PCDHB14: variants seen among roughly 807,000 people sequenced by gnomAD.
The protein encoded by PCDHB14 is protocadherin beta-14.
For synonymous variants in PCDHB14, 511 were observed against 441.5 expected (o/e 1.16, Z -1.97); for missense variants, 1,129 against 1,000.5 (o/e 1.13, Z -1.73).
chr5:141,224,483 TC>T lies in PCDHB14; in HGVS notation c.979del (p.Leu327PhefsTer8). 6.2e-7 allele frequency: 1 copy of T among 1,613,294 alleles called. No individual in the cohort carries two copies. Among genetic ancestry groups the T allele is most frequent in the Non-Finnish European group, 8.5e-7 (1 of 1,179,758 alleles). On this transcript the variant is annotated frameshift_variant, in exon 1 of 1. Coordinates refer to ENST00000239449, the MANE Select transcript of PCDHB14 (RefSeq NM_018934.4). LOFTEE classifies it low-confidence loss of function (END_TRUNC). ...ATATTCAGGCAACAGATGGTGGGGG[TC>T]TTTCAGGAAAATGCACCCTTCTAGT... ...INIQATDGGG[L>X]SGKCTLLVKV...
At position 141,225,513 on chromosome 5, in the gene PCDHB14, T is replaced by C. The variant is rs1554289512; in HGVS notation, c.2008T>C (p.Tyr670His). ...VLLVDGFSQPYLPLPEAAPAQ... is the reference protein window; with the variant it reads ...VLLVDGFSQPHLPLPEAAPAQ... ...CCTGGTGGACGGCTTCTCCCAGCCC[T>C]ACCTGCCGCTCCCTGAGGCGGCCCC... The change falls in exon 1 of 1, where the codon TAC (tyrosine) becomes CAC (histidine). Residue 670 changes from tyrosine to histidine, a missense_variant. By Grantham distance (83) the Tyr-to-His change is moderately conservative. Transcript: ENST00000239449. 1 of 1,608,262 alleles carries C rather than the reference T, an allele frequency of 6.2e-7. No homozygotes were observed. The highest frequency in any genetic ancestry group is 2.2e-5 in the East Asian group (1 of 44,840).
At position 141,225,644 on chromosome 5, in the gene PCDHB14, G is replaced by C; in HGVS notation, c.2139G>C (p.Leu713=). The change falls in exon 1 of 1, where the codon CTG becomes CTC. Residue 713 remains leucine (L), a synonymous_variant. Transcript: ENST00000239449. The part of the protein sequence containing the change: ...FSVLLFVAVR[L]CRRSRAASVG... ...TGCTCCTGTTCGTGGCGGTGCGGCT[G>C]TGCAGGAGGAGCAGGGCGGCCTCGG... is the stretch of plus-strand genomic sequence containing the variant. 1 of 1,613,536 alleles carries C rather than the reference G, an allele frequency of 6.2e-7. No individual in the cohort carries two copies. Among genetic ancestry groups the C allele is most frequent in the South Asian group, 1.1e-5 (1 of 91,074 alleles).
chr5:141,225,389 G>T lies in PCDHB14; in HGVS notation c.1884G>T (p.Arg628Ser). The T allele has an allele frequency of 6.2e-7, 1 of 1,604,234 alleles. No homozygotes were observed. The highest frequency in any genetic ancestry group is 8.5e-7 in the Non-Finnish European group (1 of 1,179,372). Reference sequence around the variant, plus strand: ...ACAATGGCGAGGTGCGCACCGCCAGGCTGCTGAGCGAGCGCGACGCGGCCA... The same window carrying T: ...ACAATGGCGAGGTGCGCACCGCCAGTCTGCTGAGCGAGCGCGACGCGGCCA... ...WAHNGEVRTA[R>S]LLSERDAAKH... Residue 628 changes from arginine to serine, a missense_variant, in exon 1 of 1, where the codon AGG (arginine) becomes AGT (serine). By Grantham distance (110) the Arg-to-Ser change is moderately radical. Transcript: ENST00000239449.
In PCDHB14 at chr5:141,227,193, A is replaced by G. The variant is rs73275711; in HGVS notation, c.*1291A>G. On this transcript the variant is annotated 3_prime_UTR_variant, in exon 1 of 1. Transcript: ENST00000239449. Reference sequence around the variant, plus strand: ...ATTTTGTGTTGTTTATTACTAAAGCAGAAAATAATTTAGGGTCTTATCCTG... The same window carrying G: ...ATTTTGTGTTGTTTATTACTAAAGCGGAAAATAATTTAGGGTCTTATCCTG... 22,799 of 152,296 alleles carry G rather than the reference A, an allele frequency of 0.15. 1,790 individuals are homozygous for G. Among genetic ancestry groups the G allele is most frequent in the Middle Eastern group, 0.27 (78 of 294 alleles). 9.4% of individuals were successfully genotyped at this position (152,296 alleles called of 1,614,324 possible).
chr5:141,224,337 T>C lies in PCDHB14; in HGVS notation c.832T>C (p.Ser278Pro), dbSNP rs1754787131. The change falls in exon 1 of 1, where the codon TCT (serine) becomes CCT (proline). Residue 278 changes from serine to proline, a missense_variant. Transcript: ENST00000239449. The part of the protein sequence containing the change: ...DLDAGNYGKI[S>P]YTFFHASEDI... Reference sequence around the variant, plus strand: ...GGATGCAGGAAACTATGGAAAAATATCTTACACATTTTTCCATGCATCAGA... The same window carrying C: ...GGATGCAGGAAACTATGGAAAAATACCTTACACATTTTTCCATGCATCAGA... 3.7e-6 allele frequency: 6 copies of C among 1,612,620 alleles called. No individual in the cohort carries two copies. The highest frequency in any genetic ancestry group is 5.1e-6 in the Non-Finnish European group (6 of 1,179,654).
Position 141,224,537 on chromosome 5 carries a change from A to G in PCDHB14, c.1032A>G (p.Pro344=), listed in dbSNP as rs1754793760. 1 of 1,612,374 alleles carries G rather than the reference A, an allele frequency of 6.2e-7. No homozygotes were observed. Among genetic ancestry groups the G allele is most frequent in the African/African-American group, 1.3e-5 (1 of 74,742 alleles). The stretch of plus-strand genomic sequence containing the variant: ...AAGTTATGGATATAAACGACAACCC[A>G]CCAGAAGTGACCATATCGTCGATTA... ...LVKVMDINDN[P]PEVTISSITK... Residue 344 remains proline (P), a synonymous_variant, in exon 1 of 1, where the codon CCA becomes CCG. Coordinates refer to ENST00000239449, the MANE Select transcript of PCDHB14 (RefSeq NM_018934.4).
Position 141,224,080 on chromosome 5 carries a change from C to A in PCDHB14, c.575C>A (p.Pro192Gln), listed in dbSNP as rs1280529302. 1 of 1,613,920 alleles carries A rather than the reference C, an allele frequency of 6.2e-7. No homozygotes were observed. The highest frequency in any genetic ancestry group is 1.7e-5 in the Admixed American group (1 of 60,000). The change falls in exon 1 of 1, where the codon CCA (proline) becomes CAA (glutamine). Residue 192 changes from proline (P) to glutamine (Q), a missense_variant. Pro to Gln is a moderately conservative substitution (Grantham distance 76). Coordinates refer to ENST00000239449, the MANE Select transcript of PCDHB14 (RefSeq NM_018934.4). ...GACAGTAGTGACAGAAAGATATACCCAGAGCTGGTCCTAGATAGAGCTTTA... is the reference window on the plus strand; with the variant it reads ...GACAGTAGTGACAGAAAGATATACCAAGAGCTGGTCCTAGATAGAGCTTTA... ...IPDSSDRKIY[P>Q]ELVLDRALDY...
Position 141,225,596 on chromosome 5 carries a change from G to A in PCDHB14, c.2091G>A (p.Val697=). Residue 697 remains valine, a synonymous_variant, in exon 1 of 1, where the codon GTG becomes GTA. Transcript: ENST00000239449. ...TVYLVVALAS[V]SSLFLFSVLL... ...ACCTGGTGGTGGCATTGGCCTCGGT[G>A]TCGTCGCTCTTCCTCTTCTCGGTGC... 6.2e-7 allele frequency: 1 copy of A among 1,611,626 alleles called. No homozygotes were observed. The highest frequency in any genetic ancestry group is 8.5e-7 in the Non-Finnish European group (1 of 1,179,804).
rs1370293567 is a variant in PCDHB14, at chr5:141,225,131, C to T, written c.1626C>T (p.Ser542=). 1 of 1,611,832 alleles carries T rather than the reference C, an allele frequency of 6.2e-7. No individual in the cohort carries two copies. Among genetic ancestry groups the T allele is most frequent in the South Asian group, 1.1e-5 (1 of 90,978 alleles). The part of the protein sequence containing the change: ...GATDRGSPAL[S]SEALVRVLVL... ...CAGACCGCGGGTCCCCGGCGTTGAG[C>T]AGCGAGGCGCTGGTGCGCGTGCTGG... The change falls in exon 1 of 1, where the codon AGC becomes AGT. Residue 542 remains serine (S), a synonymous_variant. Coordinates refer to ENST00000239449, the MANE Select transcript of PCDHB14 (RefSeq NM_018934.4).
At position 141,226,093 on chromosome 5, in the gene PCDHB14, G is replaced by T. The variant is rs1554289633; in HGVS notation, c.*191G>T. ...GTGGAAATGTAATCTGTGTTTTCTG[G>T]TTTTTCATTTATTTGGCCAAAATGT... On this transcript the variant is annotated 3_prime_UTR_variant, in exon 1 of 1. Coordinates refer to ENST00000239449, the MANE Select transcript of PCDHB14 (RefSeq NM_018934.4). 1.1e-5 allele frequency: 7 copies of T among 618,052 alleles called. No individual in the cohort carries two copies. Among genetic ancestry groups the T allele is most frequent in the Admixed American group, 3.6e-5 (1 of 27,610 alleles). 38.3% of individuals were successfully genotyped at this position (618,052 alleles called of 1,614,324 possible). A position where few individuals can be genotyped will look rare whatever the true frequency, so the allele number is the denominator to read the frequency against.
chr5:141,226,160 A>G lies in PCDHB14; in HGVS notation c.*258A>G. 1 of 450,286 alleles carries G rather than the reference A, an allele frequency of 2.2e-6. No individual in the cohort carries two copies. The highest frequency in any genetic ancestry group is 3.3e-5 in the South Asian group (1 of 30,018). The allele number at this position is 450,286 out of a possible 1,614,324, so 27.9% of individuals were successfully genotyped here. Reference sequence around the variant, plus strand: ...TTGCTATTTTTGCTGTGATAATGGTATTATGCAAGACCATATTCTCAATTA... The same window carrying G: ...TTGCTATTTTTGCTGTGATAATGGTGTTATGCAAGACCATATTCTCAATTA... On this transcript the variant is annotated 3_prime_UTR_variant, in exon 1 of 1. Coordinates refer to ENST00000239449, the MANE Select transcript of PCDHB14 (RefSeq NM_018934.4).
chr5:141,225,634 C>T lies in PCDHB14; in HGVS notation c.2129C>T (p.Ala710Val), dbSNP rs1442528161. 3.1e-6 allele frequency: 5 copies of T among 1,613,118 alleles called. No homozygotes were observed. The highest frequency in any genetic ancestry group is 4.2e-6 in the Non-Finnish European group (5 of 1,179,944). Residue 710 changes from alanine (A) to valine (V), a missense_variant, in exon 1 of 1, where the codon GCG (alanine) becomes GTG (valine). Coordinates refer to ENST00000239449, the MANE Select transcript of PCDHB14 (RefSeq NM_018934.4). ...CTCTTCTCGGTGCTCCTGTTCGTGG[C>T]GGTGCGGCTGTGCAGGAGGAGCAGG... Reference protein sequence around the residue: ...LFLFSVLLFVAVRLCRRSRAA... With the variant: ...LFLFSVLLFVVVRLCRRSRAA...
rs1374470164 is a variant in PCDHB14, at chr5:141,226,251, C to T, written c.*349C>T. 1 of 192,858 alleles carries T rather than the reference C, an allele frequency of 5.2e-6. No homozygotes were observed. The highest frequency in any genetic ancestry group is 2.4e-5 in the African/African-American group (1 of 42,114). 11.9% of individuals were successfully genotyped at this position (192,858 alleles called of 1,614,324 possible). ...ATATATGTAACTTAAATCTAGACAC[C>T]ATCAAAGCATAAAATAAAAATAAAA... On this transcript the variant is annotated 3_prime_UTR_variant, in exon 1 of 1. Coordinates refer to ENST00000239449, the MANE Select transcript of PCDHB14 (RefSeq NM_018934.4).
Position 141,224,183 on chromosome 5 carries a change from T to G in PCDHB14, c.678T>G (p.Thr226=). 1.9e-6 allele frequency: 3 copies of G among 1,614,030 alleles called. No homozygotes were observed. Among genetic ancestry groups the G allele is most frequent in the Non-Finnish European group, 2.5e-6 (3 of 1,180,016 alleles). The change falls in exon 1 of 1, where the codon ACT becomes ACG. Residue 226 remains threonine (T), a synonymous_variant. Coordinates refer to ENST00000239449, the MANE Select transcript of PCDHB14 (RefSeq NM_018934.4). ...GATCCCCGCCCAAGTCTGGGACAAC[T>G]TTGGTTCTCATCAAGGTGTTGGACA... ...DGGSPPKSGT[T]LVLIKVLDIN... is the part of the protein sequence containing the mutation.
rs143851209 is a variant in PCDHB14 at position 141,224,819 on chromosome 5, C to T, written c.1314C>T (p.Thr438=). 6.8e-6 allele frequency: 11 copies of T among 1,613,992 alleles called. No individual in the cohort carries two copies. Among genetic ancestry groups the T allele is most frequent in the South Asian group, 1.1e-5 (1 of 91,084 alleles). Residue 438 remains threonine, a synonymous_variant, in exon 1 of 1, where the codon ACC becomes ACT. Transcript: ENST00000239449. The stretch of plus-strand genomic sequence containing the variant: ...GGCTGAAAACCGAGTACAACATAAC[C>T]GTGCTGCTCTCTGACGTCAATGACA... ...TPRLKTEYNI[T]VLLSDVNDNA... is the part of the protein sequence containing the mutation.
rs1754770384 is a variant in PCDHB14 at position 141,223,815 on chromosome 5, C to G, written c.310C>G (p.Leu104Val). 1.2e-6 allele frequency: 2 copies of G among 1,613,748 alleles called. No individual in the cohort carries two copies. Among genetic ancestry groups the G allele is most frequent in the East Asian group, 2.2e-5 (1 of 44,880 alleles). ...GTGTGGCTCCACCGAGCCCTGTGTG[C>G]TGCATTTTCAGGTGGTTTTGGAAAA... ...ELCGSTEPCV[L>V]HFQVVLENPL... The change falls in exon 1 of 1, where the codon CTG (leucine) becomes GTG (valine). Residue 104 changes from leucine to valine, a missense_variant. By Grantham distance (32) the Leu-to-Val change is conservative (BLOSUM62 1). Transcript: ENST00000239449.
chr5:141,223,858 G>A lies in PCDHB14; in HGVS notation c.353G>A (p.Arg118Gln). Residue 118 changes from arginine to glutamine, a missense_variant, in exon 1 of 1, where the codon CGG becomes CAG. Coordinates refer to ENST00000239449, the MANE Select transcript of PCDHB14 (RefSeq NM_018934.4). ...TTGGAAAACCCTTTACAGTTTTTTC[G>A]GTTTGAGCTGTGTGTCAAAGACATA... ...VVLENPLQFF[R>Q]FELCVKDIND... The A allele has an allele frequency of 6.2e-7, 1 of 1,612,186 alleles. No individual in the cohort carries two copies. The highest frequency in any genetic ancestry group is 8.5e-7 in the Non-Finnish European group (1 of 1,179,524).
chr5:141,224,173 C>A lies in PCDHB14; in HGVS notation c.668C>A (p.Ser223Tyr), dbSNP rs371097622. 8.1e-6 allele frequency: 13 copies of A among 1,614,066 alleles called. No homozygotes were observed. The highest frequency in any genetic ancestry group is 1.0e-5 in the Non-Finnish European group (12 of 1,180,024). The part of the protein sequence containing the change: ...TAVDGGSPPK[S>Y]GTTLVLIKVL... ...GTGGATGGTGGATCCCCGCCCAAGTCTGGGACAACTTTGGTTCTCATCAAG... is the reference window on the plus strand; with the variant it reads ...GTGGATGGTGGATCCCCGCCCAAGTATGGGACAACTTTGGTTCTCATCAAG... Residue 223 changes from serine (S) to tyrosine (Y), a missense_variant, in exon 1 of 1, where the codon TCT becomes TAT. By Grantham distance (144) the Ser-to-Tyr change is moderately radical. Coordinates refer to ENST00000239449, the MANE Select transcript of PCDHB14 (RefSeq NM_018934.4).
rs1181780856 is a variant in PCDHB14, at chr5:141,227,411, A to G, written c.*1509A>G. 4 of 152,190 alleles carry G rather than the reference A, an allele frequency of 2.6e-5. No individual in the cohort carries two copies. The highest frequency in any genetic ancestry group is 9.7e-5 in the African/African-American group (4 of 41,432). The allele number at this position is 152,190 out of a possible 1,614,324, so 9.4% of individuals were successfully genotyped here. ...AGGAATGGGTAGGCATTTATGGTTTATAGTTGCCTCATCATGTAACATATT... is the reference window on the plus strand; with the variant it reads ...AGGAATGGGTAGGCATTTATGGTTTGTAGTTGCCTCATCATGTAACATATT... On this transcript the variant is annotated 3_prime_UTR_variant, in exon 1 of 1. Coordinates refer to ENST00000239449, the MANE Select transcript of PCDHB14 (RefSeq NM_018934.4).
Sources: gnomAD v4.1 joint callset for allele counts on GRCh38, gnomAD v4.1.1 for gene constraint, MANE v1.5 for transcripts, NCBI Gene and HGNC (gene_info 2026-07-23, HGNC 2026-07-21) for gene names.